The following TMED3 variants were observed in gnomAD, a reference collection of about 807,000 sequenced individuals.
TMED3 encodes transmembrane emp24 domain-containing protein 3.
TMED3 carries 9 observed loss-of-function variants against 15.0 expected under a neutral mutation model. The observed-to-expected ratio is 0.60, with a 90% CI of 0.36 to 1.04. The LOEUF (loss-of-function observed/expected upper bound fraction) is 1.04, where lower values mean the gene tolerates loss of function less well. Ranked by LOEUF, TMED3 falls within the 50% of genes least tolerant of loss-of-function variation. The pLI is 0.01. For missense variants in TMED3, 267 were observed against 278.9 expected, an observed-to-expected ratio of 0.96 and a Z score of 0.30; for synonymous variants, 117 against 121.4, an observed-to-expected ratio of 0.96 and a Z score of 0.24.
At chr15:79,353,051 A>T (rs1316721729) in intron 2 of TMED3, among the ~76,000 whole-genome samples, 12 of 86,644 alleles carry the variant, frequency 1.4e-4, no homozygotes, top group East Asian at 5.9e-4. Flanking sequence ...TATATATATA[A>T]AAAATGTATA....
chr15:79,402,343 G>C (rs963252914), intron 2 of TMED3, among the ~76,000 whole-genome samples: 4 of 152,218 alleles, frequency 2.6e-5, no homozygotes, highest in Admixed American at 2.6e-4. Context: ...TGAATGCTGG[G>C]TGGGTTCCCA....
chr15:79,398,215 G>T (rs543670030), intron 2 of TMED3, among the ~76,000 whole-genome samples: 59 of 152,118 alleles, frequency 3.9e-4, no homozygotes, highest in African/African-American at 1.3e-3. Flanking sequence ...TTTCCAGAAT[G>T]CCATGTAGTT....
intron 2 of TMED3, among the ~76,000 whole-genome samples, chr15:79,400,405 C>T (rs1893818196): frequency 6.6e-6 from 1 of 152,198 alleles, no homozygotes; most frequent in South Asian, 2.1e-4. Flanking sequence ...AATATAGGCA[C>T]CATAGAGGCA....
At chr15:79,401,203 T>C (rs1221437909) in intron 2 of TMED3, among the ~76,000 whole-genome samples, 1 of 152,244 alleles carries the variant, frequency 6.6e-6, no homozygotes, top group Non-Finnish European at 1.5e-5. Context: ...AAGGACTGCA[T>C]GTATGATTGA....
At chr15:79,372,385 A>G (rs1893355929) in intron 2 of TMED3, among the ~76,000 whole-genome samples, 1 of 152,200 alleles carries the variant, frequency 6.6e-6, no homozygotes, top group Non-Finnish European at 1.5e-5. Flanking sequence ...GTAATCTTCC[A>G]TATCTGAGAC....
downstream of TMED3, among the ~76,000 whole-genome samples, chr15:79,324,520 G>A (rs924844582): frequency 7.9e-5 from 12 of 152,210 alleles, no homozygotes; most frequent in East Asian, 9.6e-4. Flanking sequence ...GTATCAAATC[G>A]TCTTAGTAAT....
intron 2 of TMED3, among the ~76,000 whole-genome samples, chr15:79,359,483 C>T (rs1893082215): frequency 6.6e-6 from 1 of 152,134 alleles, no homozygotes; most frequent in African/African-American, 2.4e-5. Flanking sequence ...CCACCTCAGC[C>T]TCCCAAAGTG....
chr15:79,339,110 T>C (rs2058839528), intron 2 of TMED3, among the ~76,000 whole-genome samples: 2 of 152,182 alleles, frequency 1.3e-5, no homozygotes, highest in South Asian at 4.1e-4. Flanking sequence ...AGTAACAAAT[T>C]AGTGAAAGTA....
chr15:79,353,297 AT>A (rs2058903920), intron 2 of TMED3, among the ~76,000 whole-genome samples: 1 of 15,684 alleles, frequency 6.4e-5, no homozygotes, highest in Non-Finnish European at 1.2e-4. Context: ...TTATATGTAT[AT>A]TATATATATT....
chr15:79,375,742 A>C (rs2141246939), intron 2 of TMED3, among the ~76,000 whole-genome samples: 1 of 152,290 alleles, frequency 6.6e-6, no homozygotes, highest in East Asian at 1.9e-4. Flanking sequence ...CTCCATCCGC[A>C]TGAGCCAGTC....
At chr15:79,376,662 C>T (rs1401309902) in intron 2 of TMED3, among the ~76,000 whole-genome samples, 5 of 152,192 alleles carry the variant, frequency 3.3e-5, no homozygotes, top group Admixed American at 6.5e-5. Flanking sequence ...ATTAATGTCT[C>T]TAAAATAGCA....
At chr15:79,408,293 T>C (rs1212126302) in intron 2 of TMED3, among the ~76,000 whole-genome samples, 1 of 152,216 alleles carries the variant, frequency 6.6e-6, no homozygotes, top group Non-Finnish European at 1.5e-5. Flanking sequence ...TTTGCCAGGC[T>C]AGGTTGCACC....
intron 2 of TMED3, among the ~76,000 whole-genome samples, chr15:79,347,225 A>G (rs1207375762): frequency 6.6e-6 from 1 of 152,204 alleles, no homozygotes; most frequent in Non-Finnish European, 1.5e-5. Context: ...TTTGTTCAAC[A>G]TATGCAAATC....
chr15:79,397,973 G>T (rs1334585316), intron 2 of TMED3, among the ~76,000 whole-genome samples: 1 of 152,152 alleles, frequency 6.6e-6, no homozygotes, highest in Non-Finnish European at 1.5e-5. Context: ...ACTGATGAAT[G>T]TACATTAATA....
chr15:79,382,308 T>C (rs1266754356), intron 2 of TMED3, among the ~76,000 whole-genome samples: 1 of 152,240 alleles, frequency 6.6e-6, no homozygotes, highest in Non-Finnish European at 1.5e-5. Context: ...GCAGGCATTA[T>C]TCCTGGAAGG....
chr15:79,313,862 G>A lies in TMED3; in HGVS notation c.274G>A (p.Ala92Thr). ...GCAGTACGACAGCTTCACGTACCGGGCTGAAGTCAAGGGCGTTTATCAGTT... is the reference window on the plus strand; with the variant it reads ...GCAGTACGACAGCTTCACGTACCGGACTGAAGTCAAGGGCGTTTATCAGTT... The part of the protein sequence containing the change: ...KKQYDSFTYR[A>T]EVKGVYQFCF... The change falls in exon 2 of 3, where the codon GCT becomes ACT. Residue 92 changes from alanine to threonine, a missense_variant. By Grantham distance (58) the Ala-to-Thr change is moderately conservative. Transcript: ENST00000299705. The A allele has an allele frequency of 1.2e-6, 2 of 1,614,230 alleles. No homozygotes were observed. Among genetic ancestry groups the A allele is most frequent in the Non-Finnish European group, 1.7e-6 (2 of 1,180,048 alleles).
intron 2 of TMED3, among the ~76,000 whole-genome samples, chr15:79,392,679 G>A (rs8029776): frequency 0.46 from 69,559 of 151,970 alleles, 16,854 homozygotes; most frequent in Middle Eastern, 0.62. Context: ...TTTTTTGTTC[G>A]TGTGGTCTTG....
At chr15:79,354,456 C>A (rs546407449) in intron 2 of TMED3, among the ~76,000 whole-genome samples, 1 of 152,230 alleles carries the variant, frequency 6.6e-6, no homozygotes, top group African/African-American at 2.4e-5. Context: ...GCAGCCAGAA[C>A]CCTCAGCCAT....
intron 2 of TMED3, among the ~76,000 whole-genome samples, chr15:79,398,034 T>C (rs932660199): frequency 6.6e-6 from 1 of 152,220 alleles, no homozygotes; most frequent in African/African-American, 2.4e-5. Flanking sequence ...ACTCTTGGTG[T>C]TGTACATCCT....
Sources: allele counts gnomAD v4.1 joint callset (sites outside exome capture counted in the v4.1 genomes callset), GRCh38; gene constraint gnomAD v4.1.1; transcripts MANE v1.5; gene names NCBI Gene and HGNC (gene_info 2026-07-23, HGNC 2026-07-21).